SNX5: variants seen among roughly 807,000 people sequenced by gnomAD.
The protein encoded by SNX5 is sorting nexin-5.
SNX5 carries 31 observed loss-of-function variants against 53.9 expected under a neutral mutation model. The ratio of observed to expected loss-of-function variants is 0.58; its 90% confidence interval spans 0.43 to 0.78. The LOEUF (loss-of-function observed/expected upper bound fraction) is 0.78, where lower values mean the gene tolerates loss of function less well. SNX5 is among the 30% of genes least tolerant of loss of function. SNX5 has a pLI of 0.00. For missense variants in SNX5, 471 were observed against 478.8 expected, an observed-to-expected ratio of 0.98 and a Z score of 0.15; for synonymous variants, 168 against 171.1, an observed-to-expected ratio of 0.98 and a Z score of 0.14.
intron 1 of SNX5, among the ~76,000 whole-genome samples, chr20:17,965,186 A>G (rs2035517742): frequency 6.6e-6 from 1 of 152,140 alleles, no homozygotes; most frequent in Non-Finnish European, 1.5e-5. Flanking sequence ...TGATTCTCAA[A>G]CAGGCAATTT....
Position 17,942,411 on chromosome 20 carries a change from T to TG in SNX5, c.1165-5dup, listed in dbSNP as rs1363914833. On this transcript the variant is annotated splice_polypyrimidine_tract_variant and splice_region_variant and intron_variant, in intron 12 of 12. Transcript: ENST00000377759. ...TCTGCAAAAGGGAGACATTGTTCTG[T>TG]GGGGAAAAAAGGCAAGGCAGACCAG... 2 of 1,610,764 alleles carry TG rather than the reference T, an allele frequency of 1.2e-6. No individual in the cohort carries two copies. The highest frequency in any genetic ancestry group is 1.7e-5 in the Admixed American group (1 of 59,992).
At chr20:17,968,090 T>C in intron 1 of SNX5, 1 of 398,782 alleles carries the variant, frequency 2.5e-6, no homozygotes, top group Non-Finnish European at 4.4e-6. Flanking sequence ...TTCCGGGGTC[T>C]CCAGAGATCA....
chr20:17,953,927 C>T, intron 4 of SNX5, 69 bp downstream of exon 4: 3 of 1,359,564 alleles, frequency 2.2e-6, no homozygotes, highest in East Asian at 4.7e-5. Flanking sequence ...GGTTCTTCTA[C>T]TTATTTTTGT....
intron 1 of SNX5, among the ~76,000 whole-genome samples, chr20:17,967,159 G>A (rs1158412799): frequency 2.6e-5 from 4 of 152,140 alleles, no homozygotes; most frequent in Admixed American, 2.0e-4. Context: ...AAGCAATTGA[G>A]TCCTTTTACC....
At chr20:17,950,081 C>G (rs1268797093) in intron 8 of SNX5, 51 bp downstream of exon 8, 1 of 1,506,736 alleles carries the variant, frequency 6.6e-7, no homozygotes, top group Non-Finnish European at 9.2e-7. Flanking sequence ...AATTACACCA[C>G]TCGGCACTCT....
chr20:17,948,096 T>C (rs1001289577), intron 10 of SNX5, among the ~76,000 whole-genome samples: 4 of 152,220 alleles, frequency 2.6e-5, no homozygotes, highest in East Asian at 1.9e-4. Flanking sequence ...TAGTCAGATA[T>C]AAAGATTCTT....
At chr20:17,945,150 T>C (rs2039470158) in intron 11 of SNX5, 2 of 152,274 alleles carry the variant, frequency 1.3e-5, no homozygotes, top group Admixed American at 1.3e-4. Flanking sequence ...GTCAAGTCTA[T>C]AGTGCTTGCA....
At position 17,962,552 on chromosome 20, in the gene SNX5, C is replaced by T. The variant is rs561010377; in HGVS notation, c.52-5515G>A. Reference sequence around the variant, plus strand: ...CTCTCATTCCCTAGCCATTGGTTCTCCCCTTCCTGTAATTCAGGCCTGCAA... The same window carrying T: ...CTCTCATTCCCTAGCCATTGGTTCTTCCCTTCCTGTAATTCAGGCCTGCAA... On this transcript the variant is annotated intron_variant, in intron 1 of 12. Coordinates refer to ENST00000377759, the MANE Select transcript of SNX5 (RefSeq NM_014426.4). 3.4e-5 allele frequency among the ~76,000 whole-genome samples: 5 copies of T among 145,876 alleles called. No homozygotes were observed. In the East Asian group the frequency reaches 1.0e-3, roughly 30 times the overall value.
intron 1 of SNX5, among the ~76,000 whole-genome samples, chr20:17,967,461 C>T (rs1248996951): frequency 6.6e-6 from 1 of 152,176 alleles, no homozygotes; most frequent in African/African-American, 2.4e-5. Context: ...TATTTACTTA[C>T]TAGATGAACA....
intron 1 of SNX5, among the ~76,000 whole-genome samples, chr20:17,963,998 T>C (rs1318142308): frequency 6.6e-6 from 1 of 152,116 alleles, no homozygotes; most frequent in Non-Finnish European, 1.5e-5. Context: ...GGAGGCTGAG[T>C]GCAGGAAGAT....
intron 1 of SNX5, chr20:17,967,983 T>C: frequency 2.5e-6 from 1 of 397,770 alleles, no homozygotes; most frequent in Admixed American, 4.4e-5. Flanking sequence ...GGAGGGTATT[T>C]TGGGGGCAAC....
Position 17,950,335 on chromosome 20 carries a change from T to G in SNX5, c.671A>C (p.Lys224Thr). The G allele has an allele frequency of 6.2e-7, 1 of 1,613,744 alleles. No homozygotes were observed. Among genetic ancestry groups the G allele is most frequent in the Non-Finnish European group, 8.5e-7 (1 of 1,179,606 alleles). The change falls in exon 7 of 13, where the codon AAA becomes ACA. Residue 224 changes from lysine (K) to threonine (T), a missense_variant. Transcript: ENST00000377759. ...TTTGTCAGCTTTCACACAAGAATCT[T>G]TGATCCTATTGTAATAGTTAATAAG... is the stretch of plus-strand genomic sequence containing the variant. Reference protein sequence around the residue: ...NFLINYYNRIKDSCVKADKMT... With the variant: ...NFLINYYNRITDSCVKADKMT...
chr20:17,957,158 G>A (rs948073494), intron 1 of SNX5, 121 bp from the exon 2 acceptor site: 22 of 668,472 alleles, frequency 3.3e-5, no homozygotes, highest in African/African-American at 1.2e-4. Flanking sequence ...CAGTTGAGCT[G>A]GGCGCGGCGG....
At chr20:17,944,195 T>C (rs1175972850) in intron 11 of SNX5, 1 of 152,026 alleles carries the variant, frequency 6.6e-6, no homozygotes, top group Non-Finnish European at 1.5e-5. Context: ...GGTGGGGTGC[T>C]GGGGAAGGTG....
chr20:17,961,630 T>A (rs562994781), intron 1 of SNX5: 1 of 984,324 alleles, frequency 1.0e-6, no homozygotes, highest in South Asian at 4.7e-5. Context: ...AAGACACATA[T>A]CTATTTAAAT....
chr20:17,946,799 A>C (rs1369502597), intron 11 of SNX5, among the ~76,000 whole-genome samples: 2 of 152,234 alleles, frequency 1.3e-5, no homozygotes, highest in Admixed American at 6.5e-5. Context: ...GGGGGTTAAA[A>C]TAGTAACTAC....
chr20:17,942,641 C>G, intron 12 of SNX5: 1 of 565,892 alleles, frequency 1.8e-6, no homozygotes, highest in Non-Finnish European at 3.2e-6. Flanking sequence ...CCGACGTTCA[C>G]TCCAGCACCT....
At position 17,947,636 on chromosome 20, in the gene SNX5, A is replaced by G. The variant is rs1331254032; in HGVS notation, c.928T>C (p.Tyr310His). The G allele has an allele frequency of 6.2e-6, 10 of 1,610,648 alleles. No homozygotes were observed. Among genetic ancestry groups the G allele is most frequent in the South Asian group, 2.2e-5 (2 of 90,388 alleles). The change falls in exon 11 of 13, where the codon TAC (tyrosine) becomes CAC (histidine). Residue 310 changes from tyrosine (Y) to histidine (H), a missense_variant. Tyr to His is a moderately conservative substitution (Grantham distance 83). Coordinates refer to ENST00000377759, the MANE Select transcript of SNX5 (RefSeq NM_014426.4). ...TCAATGAGGGCTTTGGTGCGTCTGT[A>G]TAAGAGATCCTGGGAAAAAAATTAA... The part of the protein sequence containing the change: ...LNIEAAKDLL[Y>H]RRTKALIDYE...
At chr20:17,946,307 T>C (rs2039487006) in intron 11 of SNX5, among the ~76,000 whole-genome samples, 1 of 152,194 alleles carries the variant, frequency 6.6e-6, no homozygotes. Context: ...ACGATGAGCA[T>C]ACTCAGATGC....
Sources: allele counts gnomAD v4.1 joint callset (sites outside exome capture counted in the v4.1 genomes callset), GRCh38; gene constraint gnomAD v4.1.1; transcripts MANE v1.5; gene names NCBI Gene and HGNC (gene_info 2026-07-23, HGNC 2026-07-21).